The following ENTHD1 variants were observed in gnomAD, a reference collection of about 807,000 sequenced individuals.
ENTHD1 encodes ENTH domain-containing protein 1.
In ENTHD1, 23 loss-of-function variants were observed where a neutral mutation model predicts 39.1. The observed-to-expected ratio is 0.59, with a 90% CI of 0.42 to 0.83. ENTHD1 has a LOEUF of 0.83. Among genes scored for constraint, ENTHD1 ranks in the 40% least tolerant of loss-of-function variants. ENTHD1 has a pLI of 0.00. For synonymous variants in ENTHD1, 230 were observed against 258.2 expected (o/e 0.89, Z 1.05); for missense variants, 624 against 705.4 (o/e 0.88, Z 1.31).
intron 4 of ENTHD1, among the ~76,000 whole-genome samples, chr22:39,823,994 G>T (rs1468545357): frequency 1.3e-5 from 2 of 152,018 alleles, no homozygotes; most frequent in Non-Finnish European, 2.9e-5. Flanking sequence ...TGGACTGTTT[G>T]GTTTTAAACT....
At chr22:39,783,192 T>C (rs2065424792) in intron 5 of ENTHD1, among the ~76,000 whole-genome samples, 1 of 151,862 alleles carries the variant, frequency 6.6e-6, no homozygotes, top group Non-Finnish European at 1.5e-5. Flanking sequence ...CTACAAGAAA[T>C]ATAGCATACC....
chr22:39,846,265 A>T (rs2065987770), intron 3 of ENTHD1, among the ~76,000 whole-genome samples: 1 of 152,174 alleles, frequency 6.6e-6, no homozygotes, highest in African/African-American at 2.4e-5. Context: ...CAGTGGCGTG[A>T]TCACAGCTCA....
chr22:39,865,345 C>G (rs563688320), intron 2 of ENTHD1, among the ~76,000 whole-genome samples: 1 of 151,932 alleles, frequency 6.6e-6, no homozygotes, highest in African/African-American at 2.4e-5. Flanking sequence ...TGCCCACTAC[C>G]CTAGCTTGCT....
intron 2 of ENTHD1, among the ~76,000 whole-genome samples, chr22:39,871,140 A>T (rs1430968705): frequency 6.6e-6 from 1 of 151,886 alleles, no homozygotes; most frequent in Non-Finnish European, 1.5e-5. Context: ...ATTACACTCC[A>T]ACCGGGGCAA....
Position 39,887,793 on chromosome 22 carries a change from A to G in ENTHD1, c.-45T>C. 2 of 1,389,290 alleles carry G rather than the reference A, an allele frequency of 1.4e-6. No individual in the cohort carries two copies. Among genetic ancestry groups the G allele is most frequent in the South Asian group, 2.8e-5 (2 of 71,730 alleles). The allele number at this position is 1,389,290 out of a possible 1,614,324, so 86.1% of individuals were successfully genotyped here. ...GTGAGATGGAGGATGAAAGCAATGG[A>G]ATAACAGTTTATGTCACGGGTTTAT... On this transcript the variant is annotated 5_prime_UTR_variant, in exon 2 of 7. Coordinates refer to ENST00000325157, the MANE Select transcript of ENTHD1 (RefSeq NM_152512.4).
intron 5 of ENTHD1, among the ~76,000 whole-genome samples, chr22:39,798,974 T>G (rs1350327310): frequency 6.6e-6 from 1 of 152,184 alleles, no homozygotes. Context: ...CCAGAGGGAA[T>G]GCACAGATGC....
chr22:39,765,152 T>A (rs1461622245), intron 6 of ENTHD1, 71 bp downstream of exon 6: 1 of 1,448,580 alleles, frequency 6.9e-7, no homozygotes, highest in Non-Finnish European at 9.1e-7. Flanking sequence ...AAAAGTAAAA[T>A]AATGCTTCAA....
Position 39,887,440 on chromosome 22 carries a change from TAGTGTTTGA to T in ENTHD1, c.300_308del (p.Gln101_Leu103del), listed in dbSNP as rs781551142. ...CTTCATCTATGTGCTGAAAATCTTTTAGTGTTTGAAGGTTACAGAACCCCTCTCTGCAAT... is the reference window on the plus strand; with the variant it reads ...CTTCATCTATGTGCTGAAAATCTTTTAGGTTACAGAACCCCTCTCTGCAAT... On this transcript the variant is annotated inframe_deletion, in exon 2 of 7. Coordinates refer to ENST00000325157, the MANE Select transcript of ENTHD1 (RefSeq NM_152512.4). The T allele has an allele frequency of 6.2e-7, 1 of 1,612,372 alleles. No individual in the cohort carries two copies. The highest frequency in any genetic ancestry group is 1.1e-5 in the South Asian group (1 of 90,678).
chr22:39,796,041 G>A (rs2065546538), intron 5 of ENTHD1, among the ~76,000 whole-genome samples: 3 of 151,824 alleles, frequency 2.0e-5, no homozygotes, highest in Admixed American at 1.3e-4. Context: ...TTGACGTTCT[G>A]TATTTTTTAG....
At chr22:39,856,518 T>C (rs2066089259) in intron 3 of ENTHD1, among the ~76,000 whole-genome samples, 1 of 152,084 alleles carries the variant, frequency 6.6e-6, no homozygotes. Context: ...AAATAACAGA[T>C]TTAAAACAAA....
intron 5 of ENTHD1, among the ~76,000 whole-genome samples, chr22:39,780,998 C>CAAAAAAAAAAA (rs370342913): frequency 5.4e-4 from 67 of 124,840 alleles, no homozygotes; most frequent in African/African-American, 7.3e-4. Flanking sequence ...GACTCCATCT[C>CAAAAAAAAAAA]AAAAAAAAAA....
intron 6 of ENTHD1, among the ~76,000 whole-genome samples, chr22:39,759,561 C>T (rs567522047): frequency 1.9e-4 from 29 of 151,860 alleles, no homozygotes; most frequent in Non-Finnish European, 3.4e-4. Flanking sequence ...CACCTTTAAT[C>T]TGTTTTTATT....
intron 2 of ENTHD1, among the ~76,000 whole-genome samples, chr22:39,866,267 G>A (rs540554082): frequency 1.3e-5 from 2 of 152,280 alleles, no homozygotes; most frequent in East Asian, 3.9e-4. Flanking sequence ...AGAGATCAAG[G>A]CCCAAGGACA....
chr22:39,795,232 G>A (rs972061842), intron 5 of ENTHD1, among the ~76,000 whole-genome samples: 8 of 151,966 alleles, frequency 5.3e-5, no homozygotes, highest in Non-Finnish European at 8.8e-5. Flanking sequence ...TCTTTTTGTC[G>A]TGTCATTCTC....
chr22:39,759,435 G>A (rs2065212059), intron 6 of ENTHD1, among the ~76,000 whole-genome samples: 2 of 152,004 alleles, frequency 1.3e-5, no homozygotes, highest in South Asian at 4.2e-4. Context: ...TAATCTTTTG[G>A]TAATCTATAG....
chr22:39,814,208 C>T (rs1488883465), intron 5 of ENTHD1, among the ~76,000 whole-genome samples: 1 of 151,556 alleles, frequency 6.6e-6, no homozygotes, highest in Non-Finnish European at 1.5e-5. Flanking sequence ...AAACTAATCC[C>T]ACCACTTTGG....
At chr22:39,869,480 G>C (rs1569176057) in intron 2 of ENTHD1, among the ~76,000 whole-genome samples, 1 of 152,138 alleles carries the variant, frequency 6.6e-6, no homozygotes, top group Non-Finnish European at 1.5e-5. Flanking sequence ...AGTGGGAGGA[G>C]AGAAGGGAGG....
At chr22:39,840,101 A>G (rs2065932954) in intron 3 of ENTHD1, among the ~76,000 whole-genome samples, 1 of 152,208 alleles carries the variant, frequency 6.6e-6, no homozygotes, top group African/African-American at 2.4e-5. Context: ...GAGAGAACAT[A>G]CATTTAGTTC....
At chr22:39,747,118 C>T (rs2065111532) in intron 6 of ENTHD1, among the ~76,000 whole-genome samples, 1 of 152,114 alleles carries the variant, frequency 6.6e-6, no homozygotes, top group Admixed American at 6.6e-5. Context: ...TTCCTAGTAG[C>T]TGAGACTACA....
Sources: allele counts gnomAD v4.1 joint callset (sites outside exome capture counted in the v4.1 genomes callset), GRCh38; gene constraint gnomAD v4.1.1; transcripts MANE v1.5; gene names NCBI Gene and HGNC (gene_info 2026-07-23, HGNC 2026-07-21).